Variants in NEGR1 observed in about 807,000 individuals in gnomAD.
The protein encoded by NEGR1 is neuronal growth regulator 1, also known as IgLON family member 4.
In NEGR1, 10 loss-of-function variants were observed where a neutral mutation model predicts 40.9. The ratio of observed to expected loss-of-function variants is 0.24; its 90% CI spans 0.15 to 0.42. NEGR1 has a LOEUF of 0.42. NEGR1 is among the 10% of genes least tolerant of loss of function. The pLI, the probability that NEGR1 is intolerant of heterozygous loss-of-function variation, is 1.00. For synonymous variants in NEGR1, 185 were observed against 166.8 expected, an observed-to-expected ratio of 1.11 and a Z score of -0.84; for missense variants, 352 against 438.9, an observed-to-expected ratio of 0.80 and a Z score of 1.77.
chr1:72,263,133 C>T (rs1442114537), intron 1 of NEGR1, among the ~76,000 whole-genome samples: 4 of 151,076 alleles, frequency 2.6e-5, no homozygotes, highest in Non-Finnish European at 4.4e-5. Context: ...TTTAGTTACC[C>T]CATCTACATA....
rs112324347 is a variant in NEGR1, at chr1:71,879,469, G to A, written c.409+55610C>T. 3.2e-3 allele frequency among the ~76,000 whole-genome samples: 484 copies of A among 152,224 alleles called. 3 individuals carry two copies. The highest frequency in any genetic ancestry group is 0.011 in the African/African-American group (468 of 41,518). On this transcript the variant is annotated intron_variant, in intron 2 of 6. Transcript: ENST00000357731. ...CTCAAGCCCAGTTACTTTTAGGGAG[G>A]CAAATCAACCACATATTTTTGGAAA... is the stretch of plus-strand genomic sequence containing the variant.
At chr1:71,760,392 G>A (rs1655900023) in intron 3 of NEGR1, among the ~76,000 whole-genome samples, 1 of 152,128 alleles carries the variant, frequency 6.6e-6, no homozygotes, top group Non-Finnish European at 1.5e-5. Flanking sequence ...TTACTGGTTA[G>A]AAGTAGAGGG....
chr1:71,466,377 G>A (rs953934133), intron 6 of NEGR1, among the ~76,000 whole-genome samples: 1 of 152,054 alleles, frequency 6.6e-6, no homozygotes, highest in Admixed American at 6.6e-5. Context: ...GCCCTGGACA[G>A]GCATTTACTT....
intron 6 of NEGR1, among the ~76,000 whole-genome samples, chr1:71,554,207 A>G (rs1373407436): frequency 6.6e-6 from 1 of 151,684 alleles, no homozygotes; most frequent in East Asian, 2.0e-4. Flanking sequence ...ATTATAGAAC[A>G]TTGATTGTTT....
intron 1 of NEGR1, among the ~76,000 whole-genome samples, chr1:72,176,062 A>G (rs1652152688): frequency 6.6e-6 from 1 of 152,126 alleles, no homozygotes; most frequent in Non-Finnish European, 1.5e-5. Flanking sequence ...TCAGAAAGCA[A>G]TACAAATTGC....
chr1:72,248,584 A>G (rs971893198), intron 1 of NEGR1, among the ~76,000 whole-genome samples: 3 of 141,572 alleles, frequency 2.1e-5, no homozygotes, highest in Non-Finnish European at 4.5e-5. Flanking sequence ...ATTTATTATT[A>G]TTATTATTAT....
chr1:71,767,147 C>T (rs1328224592), intron 3 of NEGR1, among the ~76,000 whole-genome samples: 2 of 152,002 alleles, frequency 1.3e-5, no homozygotes, highest in Non-Finnish European at 2.9e-5. Context: ...TGTAGAATTG[C>T]CTTTGGAACT....
intron 4 of NEGR1, among the ~76,000 whole-genome samples, chr1:71,692,466 C>G (rs777935321): frequency 1.3e-5 from 2 of 151,356 alleles, no homozygotes; most frequent in African/African-American, 2.4e-5. Flanking sequence ...TGCCTTTGCC[C>G]TACTCAAACT....
chr1:71,592,925 T>C lies in NEGR1; in HGVS notation c.832A>G (p.Thr278Ala). 6.2e-7 allele frequency: 1 copy of C among 1,612,274 alleles called. No individual in the cohort carries two copies. The highest frequency in any genetic ancestry group is 8.5e-7 in the Non-Finnish European group (1 of 1,178,416). Residue 278 changes from threonine to alanine, a missense_variant, in exon 6 of 7, where the codon ACA becomes GCA. This residue lies in a region of NEGR1 where 184 missense variants were observed against 208.7 expected (regional missense o/e 0.88). Transcript: ENST00000357731. Reference protein sequence around the residue: ...QQGIIIQNFSTRSILTVTNVT... With the variant: ...QQGIIIQNFSARSILTVTNVT... Reference sequence around the variant, plus strand: ...TTGGTAACAGTGAGAATGGATCTTGTGCTAAAATTTTGAATAATAATTCCT... The same window carrying C: ...TTGGTAACAGTGAGAATGGATCTTGCGCTAAAATTTTGAATAATAATTCCT...
chr1:71,994,628 A>T (rs1646487385), intron 1 of NEGR1, among the ~76,000 whole-genome samples: 1 of 151,972 alleles, frequency 6.6e-6, no homozygotes, highest in African/African-American at 2.4e-5. Flanking sequence ...TAGAACAGTC[A>T]AGTATTATTA....
At chr1:72,183,026 T>A (rs533263770) in intron 1 of NEGR1, among the ~76,000 whole-genome samples, 2 of 151,644 alleles carry the variant, frequency 1.3e-5, no homozygotes, top group South Asian at 2.1e-4. Context: ...AAAATCTAGA[T>A]CTCTTGTCTC....
intron 6 of NEGR1, among the ~76,000 whole-genome samples, chr1:71,511,200 G>A (rs1186001158): frequency 6.6e-6 from 1 of 152,190 alleles, no homozygotes; most frequent in East Asian, 1.9e-4. Context: ...CAAACTGGAT[G>A]TTCACTAGTA....
chr1:71,933,701 T>A (rs1037354995), intron 2 of NEGR1, among the ~76,000 whole-genome samples: 2 of 152,064 alleles, frequency 1.3e-5, no homozygotes, highest in African/African-American at 4.8e-5. Context: ...AATGTTATTA[T>A]ATTCTGATAT....
At chr1:72,124,621 T>TA (rs1219273164) in intron 1 of NEGR1, among the ~76,000 whole-genome samples, 1 of 152,008 alleles carries the variant, frequency 6.6e-6, no homozygotes, top group Non-Finnish European at 1.5e-5. Flanking sequence ...TGTATAAAGA[T>TA]AAAAAATTAG....
chr1:72,028,540 C>A (rs1646831287), intron 1 of NEGR1, among the ~76,000 whole-genome samples: 1 of 152,206 alleles, frequency 6.6e-6, no homozygotes, highest in African/African-American at 2.4e-5. Flanking sequence ...CTACCTACCT[C>A]TGCTCACTTC....
chr1:72,222,052 T>C (rs1422866699), intron 1 of NEGR1, among the ~76,000 whole-genome samples: 1 of 151,958 alleles, frequency 6.6e-6, no homozygotes, highest in Non-Finnish European at 1.5e-5. Context: ...ATCAGGCCAG[T>C]ACCTGTGAAC....
At chr1:71,691,070 T>C (rs1653262314) in intron 4 of NEGR1, among the ~76,000 whole-genome samples, 1 of 151,906 alleles carries the variant, frequency 6.6e-6, no homozygotes, top group Non-Finnish European at 1.5e-5. Context: ...TTAACAAAGA[T>C]AAGTGCATGG....
At position 71,650,619 on chromosome 1, in the gene NEGR1, GTTTTC is replaced by G. The variant is rs781438985; in HGVS notation, c.668-39478_668-39474del. 7.2e-5 allele frequency among the ~76,000 whole-genome samples: 11 copies of G among 152,074 alleles called. 1 individual carries two copies. The highest frequency in any genetic ancestry group is 5.2e-4 in the Admixed American group (8 of 15,276). On this transcript the variant is annotated intron_variant, in intron 4 of 6. Transcript: ENST00000357731. ...CTGTTGTTTGCTCATAAGCATACTTGTTTTCTTTTCTTTTTTGGTCTTGACTATTT... is the reference window on the plus strand; with the variant it reads ...CTGTTGTTTGCTCATAAGCATACTTGTTTTCTTTTTTGGTCTTGACTATTT...
intron 6 of NEGR1, among the ~76,000 whole-genome samples, chr1:71,505,577 G>A (rs761310064): frequency 3.3e-5 from 5 of 152,060 alleles, no homozygotes; most frequent in Admixed American, 1.3e-4. Context: ...CACCGCGCCC[G>A]GCCCCCTACA....
Sources: gnomAD v4.1 joint callset for allele counts (sites outside exome capture counted in the v4.1 genomes callset) on GRCh38, gnomAD v4.1.1 for gene constraint, gnomAD v4.1.1 regional missense constraint, MANE v1.5 for transcripts, NCBI Gene and HGNC (gene_info 2026-07-23, HGNC 2026-07-21) for gene names.